DMD: variants seen among roughly 807,000 people sequenced by gnomAD.
DMD encodes the protein dystrophin, also known as mutant dystrophin.
A neutral mutation model predicts 330.1 loss-of-function variants in DMD; 63 were observed. That is an observed-to-expected ratio of 0.19 (90% CI 0.16 to 0.24). The LOEUF is 0.24. DMD is among the 10% of genes least tolerant of loss of function. DMD has a pLI of 1.00. For synonymous variants in DMD, 1,223 were observed against 959.8 expected (o/e 1.27, Z -5.07); for missense variants, 3,344 against 2,684.1 (o/e 1.25, Z -5.43).
At chrX:33,037,756 G>T (rs762689569) in intron 1 of DMD, among the ~76,000 whole-genome samples, 12 of 112,072 alleles carry the variant, frequency 1.1e-4, no homozygotes, top group Admixed American at 9.5e-4. Flanking sequence ...ATTTAGTAAG[G>T]TATACAAAAC....
chrX:32,863,260 TAACCCCA>T (rs1411750390), intron 2 of DMD, among the ~76,000 whole-genome samples: 1 of 110,123 alleles, frequency 9.1e-6, no homozygotes, highest in African/African-American at 3.3e-5. Flanking sequence ...CTCATGCCTG[TAACCCCA>T]GTACTTTGGG....
chrX:33,156,654 G>A (rs1165988767), intron 1 of DMD, among the ~76,000 whole-genome samples: 1 of 112,001 alleles, frequency 8.9e-6, no homozygotes, highest in African/African-American at 3.2e-5. Context: ...AATATAATGT[G>A]CTCTTGCTGA....
intron 48 of DMD, among the ~76,000 whole-genome samples, chrX:31,855,821 A>G (rs1216743884): frequency 8.9e-6 from 1 of 111,902 alleles, no homozygotes; most frequent in East Asian, 2.8e-4. Context: ...GGTTTCTGAA[A>G]TCAAGAAAAA....
rs182213606 is a variant in DMD at position 31,968,868 on chromosome X, A to G, written c.6439-354T>C. 2.7e-5 allele frequency among the ~76,000 whole-genome samples: 3 copies of G among 112,096 alleles called. No homozygotes were observed. The East Asian group carries it at 8.4e-4, about 32-fold the overall frequency. The stretch of plus-strand genomic sequence containing the variant: ...AAGGATGTTCCATGTTTAATAGTCT[A>G]TGAAATGTTGTAAAATTTAAACATG... On this transcript the variant is annotated intron_variant, in intron 44 of 78. Coordinates refer to ENST00000357033, the MANE Select transcript of DMD (RefSeq NM_004006.3).
intron 1 of DMD, among the ~76,000 whole-genome samples, chrX:33,254,853 A>G (rs761218782): frequency 1.7e-4 from 19 of 110,569 alleles, no homozygotes; most frequent in South Asian, 3.7e-4. Flanking sequence ...TATGATTTTC[A>G]TATGACAAAA....
intron 45 of DMD, among the ~76,000 whole-genome samples, chrX:31,967,493 C>T (rs1333403083): frequency 9.2e-6 from 1 of 108,923 alleles, no homozygotes; most frequent in Non-Finnish European, 1.9e-5. Flanking sequence ...TTTAATACAT[C>T]TTAACGAAAG....
At chrX:31,425,640 T>C (rs1375626468) in intron 60 of DMD, among the ~76,000 whole-genome samples, 1 of 106,195 alleles carries the variant, frequency 9.4e-6, no homozygotes, top group Non-Finnish European at 1.9e-5. Flanking sequence ...AAGAAATTTG[T>C]TGGGGAGCTT....
chrX:32,010,256 C>T (rs956415259), intron 44 of DMD, among the ~76,000 whole-genome samples: 3 of 111,669 alleles, frequency 2.7e-5, no homozygotes, highest in African/African-American at 9.8e-5. Flanking sequence ...CTATTAAATA[C>T]CATCTGGATA....
intron 1 of DMD, among the ~76,000 whole-genome samples, chrX:33,095,952 A>C (rs2095152327): frequency 9.8e-6 from 1 of 102,159 alleles, no homozygotes; most frequent in Non-Finnish European, 2.0e-5. Context: ...ATCAAACACT[A>C]CTTCTTCCAG....
intron 7 of DMD, among the ~76,000 whole-genome samples, chrX:32,763,683 ATCTATATTTCAAGTG>A (rs1420477085): frequency 1.8e-5 from 2 of 112,067 alleles, no homozygotes; most frequent in Non-Finnish European, 3.8e-5. Flanking sequence ...TTATTGTCCA[ATCTATATTTCAAGTG>A]TCTACCTTGA....
intron 7 of DMD, among the ~76,000 whole-genome samples, chrX:32,733,566 T>C (rs1288043741): frequency 1.8e-5 from 2 of 111,337 alleles, no homozygotes; most frequent in African/African-American, 6.6e-5. Context: ...AAACTATCTC[T>C]CAGACCACAG....
At chrX:32,221,598 T>C (rs1349266838) in intron 43 of DMD, among the ~76,000 whole-genome samples, 1 of 111,879 alleles carries the variant, frequency 8.9e-6, no homozygotes, top group Admixed American at 9.5e-5. Context: ...CAAGTGATTT[T>C]TGGTTACATG....
intron 44 of DMD, among the ~76,000 whole-genome samples, chrX:32,001,111 G>A (rs1314821844): frequency 9.0e-6 from 1 of 111,303 alleles, no homozygotes; most frequent in African/African-American, 3.3e-5. Flanking sequence ...CTGGGGTGGG[G>A]CAGGAGACTG....
intron 59 of DMD, among the ~76,000 whole-genome samples, chrX:31,453,901 C>T (rs1331016738): frequency 9.1e-6 from 1 of 109,739 alleles, no homozygotes; most frequent in African/African-American, 3.3e-5. Context: ...CACAAAAAGG[C>T]TTTTAATGAG....
chrX:31,937,086 G>A (rs1031281871), intron 45 of DMD, among the ~76,000 whole-genome samples: 4 of 110,965 alleles, frequency 3.6e-5, no homozygotes, highest in Admixed American at 9.7e-5. Flanking sequence ...AACAATTCTC[G>A]CTGAAAATTT....
chrX:32,618,462 GA>G (rs2057750320), intron 11 of DMD, among the ~76,000 whole-genome samples: 1 of 111,426 alleles, frequency 9.0e-6, no homozygotes, highest in Non-Finnish European at 1.9e-5. Flanking sequence ...GCTAAATGAT[GA>G]GAACACATGG....
chrX:32,657,936 G>A (rs777532176), intron 9 of DMD, among the ~76,000 whole-genome samples: 1 of 111,273 alleles, frequency 9.0e-6, no homozygotes, highest in Admixed American at 9.6e-5. Context: ...AAATAATTCA[G>A]AAGTAAACTG....
At chrX:32,657,641 T>C (rs1459378938) in intron 9 of DMD, among the ~76,000 whole-genome samples, 1 of 111,944 alleles carries the variant, frequency 8.9e-6, no homozygotes, top group Non-Finnish European at 1.9e-5. Flanking sequence ...CTGTACTGTT[T>C]GGTGGATGTT....
At chrX:32,209,283 A>C (rs1484852147) in intron 44 of DMD, among the ~76,000 whole-genome samples, 1 of 111,242 alleles carries the variant, frequency 9.0e-6, no homozygotes, top group Non-Finnish European at 1.9e-5. Context: ...GGGAGTTACA[A>C]AAGGCATATC....
Sources: allele counts gnomAD v4.1 joint callset (sites outside exome capture counted in the v4.1 genomes callset), GRCh38; gene constraint gnomAD v4.1.1; transcripts MANE v1.5; gene names NCBI Gene and HGNC (gene_info 2026-07-23, HGNC 2026-07-21).